Variants in MDGA2 observed in about 807,000 individuals in gnomAD.
MDGA2 encodes the protein MAM domain containing glycosylphosphatidylinositol anchor 2.
In MDGA2, 40 loss-of-function variants were observed where a neutral mutation model predicts 117.8. The ratio of observed to expected loss-of-function variants is 0.34; its 90% CI spans 0.26 to 0.44. The LOEUF (loss-of-function observed/expected upper bound fraction) is 0.44. Ranked by LOEUF, MDGA2 falls within the 20% of genes least tolerant of loss-of-function variation. The probability of loss-of-function intolerance (pLI) is 1.00; values close to 1 mark genes in which losing one functional copy is unlikely to be tolerated. For missense variants in MDGA2, 1,123 were observed against 1,250.6 expected, an observed-to-expected ratio of 0.90 and a Z score of 1.54; for synonymous variants, 452 against 439.0, an observed-to-expected ratio of 1.03 and a Z score of -0.37.
chr14:47,638,720 T>C (rs532244528), intron 1 of MDGA2, among the ~76,000 whole-genome samples: 1 of 152,204 alleles, frequency 6.6e-6, no homozygotes, highest in Admixed American at 6.5e-5. Flanking sequence ...CTATGGCAAG[T>C]GCCTTCTAAC....
At chr14:47,095,888 C>T (rs574982077) in intron 6 of MDGA2, among the ~76,000 whole-genome samples, 51 of 152,068 alleles carry the variant, frequency 3.4e-4, no homozygotes, top group African/African-American at 1.1e-3. Context: ...TTTTCATTTG[C>T]GTGTTCAAAA....
chr14:47,433,634 C>T (rs1185479771), intron 1 of MDGA2, among the ~76,000 whole-genome samples: 1 of 151,854 alleles, frequency 6.6e-6, no homozygotes, highest in African/African-American at 2.4e-5. Flanking sequence ...GGATTCACGA[C>T]ATCAGGGAAA....
chr14:47,516,456 C>A (rs1319225163), intron 1 of MDGA2, among the ~76,000 whole-genome samples: 1 of 152,124 alleles, frequency 6.6e-6, no homozygotes, highest in Non-Finnish European at 1.5e-5. Context: ...CATGTTTAAA[C>A]CAGGTACTAA....
chr14:47,302,200 T>C (rs749749064), intron 1 of MDGA2, among the ~76,000 whole-genome samples: 3 of 152,176 alleles, frequency 2.0e-5, no homozygotes, highest in Non-Finnish European at 2.9e-5. Context: ...TGCCCAAATT[T>C]CTAAATATAA....
chr14:47,376,074 C>T (rs1440145722), intron 1 of MDGA2, among the ~76,000 whole-genome samples: 2 of 152,102 alleles, frequency 1.3e-5, no homozygotes, highest in South Asian at 2.1e-4. Flanking sequence ...AAACTATAAA[C>T]AATATTTTGT....
chr14:47,096,560 C>A (rs1879980571), intron 6 of MDGA2, among the ~76,000 whole-genome samples: 1 of 151,838 alleles, frequency 6.6e-6, no homozygotes, highest in Non-Finnish European at 1.5e-5. Context: ...TGCTGCAAGC[C>A]ACATTTTTTC....
intron 8 of MDGA2, among the ~76,000 whole-genome samples, chr14:47,008,042 A>C (rs1887770479): frequency 6.6e-6 from 1 of 151,816 alleles, no homozygotes; most frequent in South Asian, 2.1e-4. Flanking sequence ...TCTACTTTTG[A>C]GTTTACTAAG....
intron 1 of MDGA2, among the ~76,000 whole-genome samples, chr14:47,541,116 G>C (rs190779678): frequency 3.8e-4 from 58 of 152,176 alleles, no homozygotes; most frequent in African/African-American, 1.3e-3. Flanking sequence ...AGCAGGCTGG[G>C]GTGAGTCCCT....
chr14:47,609,407 T>C (rs867656315), intron 1 of MDGA2, among the ~76,000 whole-genome samples: 4 of 94,834 alleles, frequency 4.2e-5, no homozygotes, highest in African/African-American at 1.5e-4. Context: ...ATTCCTTTTC[T>C]ATGGCTGAGT....
chr14:47,297,223 G>A (rs1005933420), intron 2 of MDGA2, among the ~76,000 whole-genome samples: 2 of 151,986 alleles, frequency 1.3e-5, no homozygotes, highest in South Asian at 2.1e-4. Flanking sequence ...TGCAACGAAC[G>A]AGAACTGAAA....
chr14:47,631,641 C>G (rs2138224126), intron 1 of MDGA2, among the ~76,000 whole-genome samples: 1 of 152,274 alleles, frequency 6.6e-6, no homozygotes, highest in South Asian at 2.1e-4. Context: ...CACCCAATAT[C>G]TCTCCTATCA....
intron 1 of MDGA2, among the ~76,000 whole-genome samples, chr14:47,567,834 T>C (rs1472156412): frequency 6.6e-6 from 1 of 152,152 alleles, no homozygotes; most frequent in Non-Finnish European, 1.5e-5. Flanking sequence ...AAAATTTTAT[T>C]TGTTGTACTT....
At chr14:47,037,569 T>C (rs1888901315) in intron 7 of MDGA2, among the ~76,000 whole-genome samples, 1 of 152,212 alleles carries the variant, frequency 6.6e-6, no homozygotes, top group African/African-American at 2.4e-5. Flanking sequence ...TAGAGATGAA[T>C]GTGAGGGAGT....
intron 1 of MDGA2, among the ~76,000 whole-genome samples, chr14:47,617,274 C>T (rs944472980): frequency 3.3e-5 from 5 of 150,586 alleles, no homozygotes; most frequent in East Asian, 3.9e-4. Context: ...GGCCCAATTT[C>T]GGCTCACTGC....
intron 1 of MDGA2, among the ~76,000 whole-genome samples, chr14:47,386,397 C>T (rs1891760619): frequency 6.6e-6 from 1 of 152,154 alleles, no homozygotes; most frequent in African/African-American, 2.4e-5. Context: ...AAACCACTGA[C>T]TGATAACACG....
chr14:47,559,612 G>T (rs143563762), intron 1 of MDGA2, among the ~76,000 whole-genome samples: 1 of 146,162 alleles, frequency 6.8e-6, no homozygotes, highest in Non-Finnish European at 1.5e-5. Context: ...TCACTCTGTC[G>T]CCCAGGCTGG....
chr14:47,296,369 C>G (rs910651723), intron 2 of MDGA2, among the ~76,000 whole-genome samples: 1 of 152,132 alleles, frequency 6.6e-6, no homozygotes, highest in Non-Finnish European at 1.5e-5. Context: ...ACACAAGTAA[C>G]ACACTGGGAG....
chr14:47,206,831 G>C (rs1885701233), intron 3 of MDGA2, among the ~76,000 whole-genome samples: 1 of 151,932 alleles, frequency 6.6e-6, no homozygotes, highest in Non-Finnish European at 1.5e-5. Flanking sequence ...CGAGGATGCA[G>C]TGAGAGCTAT....
intron 8 of MDGA2, among the ~76,000 whole-genome samples, chr14:47,017,218 T>C (rs1888114432): frequency 6.6e-6 from 1 of 151,626 alleles, no homozygotes; most frequent in Admixed American, 6.6e-5. Flanking sequence ...ACAGGTTTTA[T>C]TTTAGATCTA....
Sources: allele counts gnomAD v4.1 joint callset (sites outside exome capture counted in the v4.1 genomes callset), GRCh38; gene constraint gnomAD v4.1.1; transcripts MANE v1.5; gene names NCBI Gene and HGNC (gene_info 2026-07-23, HGNC 2026-07-21).